The following CMIP variants were observed in gnomAD, a reference collection of about 807,000 sequenced individuals.
CMIP encodes c-Maf inducing protein.
Under a neutral mutation model 97.3 loss-of-function variants are expected in CMIP, and 13 were observed. The ratio of observed to expected loss-of-function variants is 0.13; its 90% confidence interval spans 0.09 to 0.21. CMIP has a LOEUF of 0.21. Among genes scored for constraint, CMIP ranks in the 10% least tolerant of loss-of-function variants. The pLI, the probability that CMIP is intolerant of heterozygous loss-of-function variation, is 1.00. For synonymous variants in CMIP, 538 were observed against 436.3 expected (o/e 1.23, Z -2.91); for missense variants, 847 against 1,024.9 (o/e 0.83, Z 2.37).
intron 1 of CMIP, among the ~76,000 whole-genome samples, chr16:81,501,319 A>T (rs908414174): frequency 6.6e-6 from 1 of 152,208 alleles, no homozygotes; most frequent in African/African-American, 2.4e-5. Flanking sequence ...CTATTTTGGG[A>T]CTGGTGCCTC....
rs1906132253 is a variant in CMIP, at chr16:81,691,974, A to G, written c.1454+134A>G. 5.2e-6 allele frequency: 4 copies of G among 765,148 alleles called. No homozygotes were observed. In the South Asian group the frequency reaches 6.2e-5, roughly 12 times the overall value. The allele number at this position is 765,148 out of a possible 1,614,324, so 47.4% of individuals were successfully genotyped here. ...GCGGGAAGACCCTGGAGACGTCGGTACCAGCTCAGCCACGTCCTCAGCTGT... is the reference window on the plus strand; with the variant it reads ...GCGGGAAGACCCTGGAGACGTCGGTGCCAGCTCAGCCACGTCCTCAGCTGT... On this transcript the variant is annotated intron_variant, in intron 11 of 20. Transcript: ENST00000537098.
At chr16:81,697,285 A>G (rs573574330) in intron 14 of CMIP, 3 of 152,792 alleles carry the variant, frequency 2.0e-5, no homozygotes, top group African/African-American at 7.2e-5. Context: ...AGAGGCCCAC[A>G]GAGGTTCGGT....
At chr16:81,500,554 T>C (rs986940938) in intron 1 of CMIP, among the ~76,000 whole-genome samples, 9 of 149,464 alleles carry the variant, frequency 6.0e-5, no homozygotes, top group African/African-American at 2.2e-4. Context: ...AGTGGTGCGA[T>C]CTCCGCTCAC....
intron 9 of CMIP, among the ~76,000 whole-genome samples, chr16:81,674,748 G>C (rs1388518759): frequency 6.6e-6 from 1 of 152,140 alleles, no homozygotes; most frequent in Non-Finnish European, 1.5e-5. Context: ...ACCACACCTG[G>C]CTAATCTTTG....
intron 1 of CMIP, among the ~76,000 whole-genome samples, chr16:81,529,727 G>A (rs2090196396): frequency 1.3e-5 from 2 of 152,174 alleles, no homozygotes; most frequent in Non-Finnish European, 2.9e-5. Context: ...GCAGAGAGCA[G>A]CCTTGCAATT....
chr16:81,495,568 C>T (rs571615007), intron 1 of CMIP: 41 of 1,509,652 alleles, frequency 2.7e-5, no homozygotes, highest in Non-Finnish European at 3.6e-5. Context: ...TGCTGCTGGC[C>T]ACAGGCCAGT....
intron 10 of CMIP, among the ~76,000 whole-genome samples, chr16:81,682,745 G>C (rs1369238267): frequency 6.6e-6 from 1 of 152,254 alleles, no homozygotes; most frequent in Non-Finnish European, 1.5e-5. Context: ...GGGTAGTGGG[G>C]CGCAGGCCCT....
intron 1 of CMIP, among the ~76,000 whole-genome samples, chr16:81,455,529 C>G (rs188589749): frequency 2.6e-5 from 4 of 152,360 alleles, no homozygotes; most frequent in Admixed American, 2.6e-4. Flanking sequence ...CTCTGGCCCT[C>G]TGCGTAAGTG....
At chr16:81,556,073 T>A (rs1180012795) in intron 1 of CMIP, among the ~76,000 whole-genome samples, 2 of 152,166 alleles carry the variant, frequency 1.3e-5, no homozygotes, top group Non-Finnish European at 2.9e-5. Context: ...CCCTGGAAAA[T>A]GCAGACCCAG....
At chr16:81,664,833 T>C (rs1361311135) in intron 7 of CMIP, 1 of 238,798 alleles carries the variant, frequency 4.2e-6, no homozygotes, top group Non-Finnish European at 8.0e-6. Flanking sequence ...AGACAGAATA[T>C]TCCCTTCATA....
chr16:81,700,921 G>A (rs1907325452), intron 15 of CMIP, among the ~76,000 whole-genome samples: 1 of 152,196 alleles, frequency 6.6e-6, no homozygotes, highest in Non-Finnish European at 1.5e-5. Flanking sequence ...GGAGGGCTGA[G>A]CAGGGAGACA....
intron 1 of CMIP, among the ~76,000 whole-genome samples, chr16:81,469,107 C>T (rs375894141): frequency 6.6e-6 from 1 of 152,250 alleles, no homozygotes; most frequent in African/African-American, 2.4e-5. Flanking sequence ...GTGTGGGGCC[C>T]AGTTCGTTGC....
intron 1 of CMIP, among the ~76,000 whole-genome samples, chr16:81,526,510 G>C (rs1018911349): frequency 6.6e-6 from 1 of 152,198 alleles, no homozygotes; most frequent in Non-Finnish European, 1.5e-5. Flanking sequence ...CAGGCCCACA[G>C]CTAGGTCTTG....
chr16:81,704,275 T>C (rs1451987512), intron 18 of CMIP, among the ~76,000 whole-genome samples, 190 bp downstream of exon 18: 1 of 33,802 alleles, frequency 3.0e-5, no homozygotes, highest in East Asian at 1.6e-3. Flanking sequence ...TCCTCCCTGC[T>C]CCCCTCACCC....
At position 81,564,219 on chromosome 16, in the gene CMIP, G is replaced by A. The variant is rs114706108; in HGVS notation, c.301-43348G>A. The stretch of plus-strand genomic sequence containing the variant: ...ACACAGGCAAGGAAGCTGGGCACCC[G>A]GGGGTGGGGTGCTGAGAATAGACAT... On this transcript the variant is annotated intron_variant, in intron 1 of 20. Transcript: ENST00000537098. Among the ~76,000 whole-genome samples the A allele has an allele frequency of 3.3e-3, 499 of 152,276 alleles. 1 individual carries two copies. Among genetic ancestry groups the A allele is most frequent in the African/African-American group, 0.011 (447 of 41,562 alleles).
intron 1 of CMIP, among the ~76,000 whole-genome samples, chr16:81,568,844 C>T (rs1161789968): frequency 6.6e-6 from 1 of 152,184 alleles, no homozygotes; most frequent in Admixed American, 6.5e-5. Flanking sequence ...GGAAAACGCA[C>T]TTGTGGCCCA....
chr16:81,476,496 A>G (rs777066495), intron 1 of CMIP: 8 of 718,348 alleles, frequency 1.1e-5, no homozygotes, highest in Non-Finnish European at 1.8e-5. Context: ...CAGCGATGTC[A>G]GAGAACACAG....
chr16:81,559,028 G>A (rs888403288), intron 1 of CMIP, among the ~76,000 whole-genome samples: 2 of 152,214 alleles, frequency 1.3e-5, no homozygotes, highest in South Asian at 2.1e-4. Context: ...GTGAATGATC[G>A]GGGTTACCTG....
chr16:81,521,961 T>C (rs1010022051), intron 1 of CMIP, among the ~76,000 whole-genome samples: 3 of 152,202 alleles, frequency 2.0e-5, no homozygotes, highest in Admixed American at 2.0e-4. Context: ...TATTGTTTCC[T>C]TTTTATCCAG....
Sources: allele counts gnomAD v4.1 joint callset (sites outside exome capture counted in the v4.1 genomes callset), GRCh38; gene constraint gnomAD v4.1.1; transcripts MANE v1.5; gene names NCBI Gene and HGNC (gene_info 2026-07-23, HGNC 2026-07-21).